NXPE1: variants seen among roughly 807,000 people sequenced by gnomAD.
NXPE1 encodes neurexophilin and PC-esterase domain family member 1, also known as NXPE family member 1.
In NXPE1, 31 loss-of-function variants were observed where a neutral mutation model predicts 33.3. That is an observed-to-expected ratio of 0.93 (90% CI 0.70 to 1.26). The LOEUF is 1.26. Among genes scored for constraint, NXPE1 ranks in the 50% most tolerant of loss-of-function variants. NXPE1 has a pLI of 0.00. For missense variants in NXPE1, 661 were observed against 655.6 expected (o/e 1.01, Z -0.09); for synonymous variants, 229 against 231.4 (o/e 0.99, Z 0.09).
At chr11:114,543,696 C>T (rs1220628013) in intron 5 of NXPE1, among the ~76,000 whole-genome samples, 2 of 151,930 alleles carry the variant, frequency 1.3e-5, no homozygotes, top group Non-Finnish European at 1.5e-5. Context: ...TCCTCTTTCA[C>T]CACTCCTATT....
At chr11:114,554,143 T>C (rs1948593672) in intron 1 of NXPE1, 2 of 985,442 alleles carry the variant, frequency 2.0e-6, no homozygotes, top group South Asian at 4.7e-5. Flanking sequence ...TCAGACAGGA[T>C]TGAATCAATG....
intron 5 of NXPE1, among the ~76,000 whole-genome samples, chr11:114,544,644 C>A (rs1948213132): frequency 6.6e-6 from 1 of 152,078 alleles, no homozygotes; most frequent in Admixed American, 6.5e-5. Flanking sequence ...ACATGAAAAT[C>A]TGTGTGAACT....
chr11:114,530,977 T>C, intron 5 of NXPE1, 69 bp from the exon 6 acceptor site: 1 of 1,416,656 alleles, frequency 7.1e-7, no homozygotes, highest in Non-Finnish European at 9.3e-7. Flanking sequence ...ATTATGAGTT[T>C]GAATATTTGT....
intron 4 of NXPE1, 43 bp from the exon 5 acceptor site, chr11:114,551,254 T>C: frequency 7.5e-7 from 1 of 1,339,472 alleles, no homozygotes; most frequent in Non-Finnish European, 1.0e-6. Flanking sequence ...GAAGTGAATC[T>C]CTCTGTACTC....
chr11:114,535,320 C>G (rs2134999751), intron 5 of NXPE1, among the ~76,000 whole-genome samples: 1 of 152,230 alleles, frequency 6.6e-6, no homozygotes, highest in African/African-American at 2.4e-5. Flanking sequence ...CCAGCCACTG[C>G]AAAAACAAGC....
At chr11:114,551,603 C>T (rs556038934) in intron 3 of NXPE1, among the ~76,000 whole-genome samples, 162 bp from the exon 4 acceptor site, 5 of 152,138 alleles carry the variant, frequency 3.3e-5, no homozygotes, top group South Asian at 2.1e-4. Flanking sequence ...GGAATATGCT[C>T]GTATTACAAA....
At position 114,535,725 on chromosome 11, in the gene NXPE1, G is replaced by C. The variant is rs565813273; in HGVS notation, c.100-4817C>G. ...GGTAAAGGAATCAATTCAACAAGAA[G>C]AACTAGCTATCCTAAATATATATGC... On this transcript the variant is annotated intron_variant, in intron 5 of 8. Transcript: ENST00000534921. Among the ~76,000 whole-genome samples the C allele has an allele frequency of 2.6e-5, 4 of 152,252 alleles. No homozygotes were observed. The South Asian group carries it at 8.3e-4, about 32-fold the overall frequency.
chr11:114,523,090 C>G lies in NXPE1; in HGVS notation c.897G>C (p.Lys299Asn). The G allele has an allele frequency of 1.2e-6, 2 of 1,609,196 alleles. No individual in the cohort carries two copies. The highest frequency in any genetic ancestry group is 1.3e-5 in the African/African-American group (1 of 74,884). ...GGCATGTCTCTTCTATTTTTTCTCT[C>G]TCTGGTAACAAAGACACTCGTAAAT... Residue 299 changes from lysine to asparagine, a missense_variant and splice_region_variant, in exon 8 of 9, where the codon AAG becomes AAC. Lys to Asn is a moderately conservative substitution (Grantham distance 94, BLOSUM62 0). Transcript: ENST00000534921.
intron 5 of NXPE1, among the ~76,000 whole-genome samples, chr11:114,543,489 C>G (rs1317916649): frequency 6.6e-6 from 1 of 150,856 alleles, no homozygotes; most frequent in Admixed American, 6.6e-5. Flanking sequence ...CCACTGCACT[C>G]CAGCCTGGGG....
chr11:114,533,640 C>G (rs578126750), intron 5 of NXPE1, among the ~76,000 whole-genome samples: 2 of 152,372 alleles, frequency 1.3e-5, no homozygotes, highest in South Asian at 4.1e-4. Context: ...GAGATTATAT[C>G]CCGCACCTGG....
intron 5 of NXPE1, among the ~76,000 whole-genome samples, chr11:114,535,669 T>C (rs1947790825): frequency 6.6e-6 from 1 of 151,404 alleles, no homozygotes; most frequent in Non-Finnish European, 1.5e-5. Flanking sequence ...CCAACAAAGA[T>C]CAAAAGAGAC....
chr11:114,554,453 A>G (rs1162646654), intron 1 of NXPE1: 1 of 858,398 alleles, frequency 1.2e-6, no homozygotes, highest in Non-Finnish European at 1.4e-6. Flanking sequence ...TTTGATAATC[A>G]GTCCTATGAC....
intron 5 of NXPE1, among the ~76,000 whole-genome samples, chr11:114,533,594 G>A (rs1947670901): frequency 6.6e-6 from 1 of 152,186 alleles, no homozygotes; most frequent in African/African-American, 2.4e-5. Flanking sequence ...CCCTAATACT[G>A]CGCTTTTCCA....
At position 114,522,116 on chromosome 11, in the gene NXPE1, T is replaced by C. The variant is rs1947227553; in HGVS notation, c.1496A>G (p.Tyr499Cys). Residue 499 changes from tyrosine (Y) to cysteine (C), a missense_variant, in exon 9 of 9, where the codon TAT (tyrosine) becomes TGT (cysteine). Tyr to Cys is a radical substitution (Grantham distance 194). Coordinates refer to ENST00000534921, the Ensembl canonical transcript of NXPE1. ...TTTGAAAATATCCTTCATGATAAGA[T>C]AGTGAATATAACCATGGAAGTCTCC... 1.9e-6 allele frequency: 3 copies of C among 1,613,986 alleles called. No homozygotes were observed. The Admixed American group carries it at 5.0e-5, about 27-fold the overall frequency.
exon 6 of NXPE1, chr11:114,530,697 G>T (rs781580609): frequency 1.4e-5 from 22 of 1,614,208 alleles, no homozygotes; most frequent in East Asian, 2.2e-5. Context: ...GTTGAGGATG[G>T]TGGCTGTGCT....
chr11:114,539,998 C>G (rs1171839649), intron 5 of NXPE1, among the ~76,000 whole-genome samples: 1 of 152,188 alleles, frequency 6.6e-6, no homozygotes, highest in African/African-American at 2.4e-5. Flanking sequence ...AATATAAAGA[C>G]ATTTATAATT....
At chr11:114,525,911 T>C (rs1386931604) in intron 7 of NXPE1, among the ~76,000 whole-genome samples, 2 of 152,222 alleles carry the variant, frequency 1.3e-5, no homozygotes, top group Non-Finnish European at 2.9e-5. Context: ...ATTCCATCCA[T>C]TGGTCTCTCC....
exon 9 of NXPE1, chr11:114,521,946 G>A (rs1303835911): frequency 6.5e-6 from 10 of 1,544,330 alleles, no homozygotes; most frequent in African/African-American, 1.4e-5. Context: ...GGTTCCTAGT[G>A]ATTTTGTATA....
chr11:114,530,265 T>C (rs1947529998), exon 6 of NXPE1: 7 of 1,614,198 alleles, frequency 4.3e-6, no homozygotes, highest in South Asian at 2.2e-5. Context: ...GGGCATGTGT[T>C]GAGGCTTCAT....
Sources: gnomAD v4.1 joint callset for allele counts (sites outside exome capture counted in the v4.1 genomes callset) on GRCh38, gnomAD v4.1.1 for gene constraint, MANE v1.5 for transcripts, NCBI Gene and HGNC (gene_info 2026-07-23, HGNC 2026-07-21) for gene names.